The following GAP43 variants were observed in gnomAD, a reference collection of about 807,000 sequenced individuals.
GAP43 encodes the protein neuromodulin.
Under a neutral mutation model 18.6 loss-of-function variants are expected in GAP43, and 6 were observed. That is an observed-to-expected ratio of 0.32 (90% confidence interval 0.18 to 0.64). The LOEUF (loss-of-function observed/expected upper bound fraction) is 0.64. GAP43 is among the 30% of genes least tolerant of loss of function. The probability of loss-of-function intolerance (pLI) is 0.78; values close to 1 mark genes in which losing one functional copy is unlikely to be tolerated. For synonymous variants in GAP43, 115 were observed against 111.4 expected, an observed-to-expected ratio of 1.03 and a Z score of -0.20; for missense variants, 292 against 295.5, an observed-to-expected ratio of 0.99 and a Z score of 0.09.
chr3:115,656,700 A>G (rs1437681777), intron 1 of GAP43, among the ~76,000 whole-genome samples: 1 of 152,222 alleles, frequency 6.6e-6, no homozygotes, highest in Non-Finnish European at 1.5e-5. Flanking sequence ...TTCTTAGAAA[A>G]GCAAGCAATT....
intron 1 of GAP43, among the ~76,000 whole-genome samples, chr3:115,632,672 A>C (rs1708275035): frequency 6.6e-6 from 1 of 152,180 alleles, no homozygotes; most frequent in African/African-American, 2.4e-5. Context: ...TTAGTCTAAG[A>C]AATCCTATTT....
At chr3:115,698,089 T>TAAA (rs1194346399) in intron 2 of GAP43, among the ~76,000 whole-genome samples, 1 of 58,772 alleles carries the variant, frequency 1.7e-5, no homozygotes, top group African/African-American at 7.6e-5. Flanking sequence ...ATAAAATATG[T>TAAA]ATTATATATA....
At chr3:115,672,065 T>G (rs1192345337) in intron 1 of GAP43, among the ~76,000 whole-genome samples, 1 of 152,346 alleles carries the variant, frequency 6.6e-6, no homozygotes, top group East Asian at 1.9e-4. Context: ...AATGCTGATG[T>G]GAAGCCTTAT....
At chr3:115,707,360 G>T (rs1390261640) in intron 2 of GAP43, among the ~76,000 whole-genome samples, 3 of 152,128 alleles carry the variant, frequency 2.0e-5, no homozygotes, top group Non-Finnish European at 2.9e-5. Context: ...GAGTGCAGTG[G>T]CTCACTGCAG....
Position 115,650,153 on chromosome 3 carries a change from C to T in GAP43, c.31-25860C>T, listed in dbSNP as rs940083018. On this transcript the variant is annotated intron_variant, in intron 1 of 2. Transcript: ENST00000305124. Reference sequence around the variant, plus strand: ...TGGAGGTGGATCCATCTTGAAAACACTGACTAATTTAGGAACCTAGCAGGA... The same window carrying T: ...TGGAGGTGGATCCATCTTGAAAACATTGACTAATTTAGGAACCTAGCAGGA... Among the ~76,000 whole-genome samples the T allele has an allele frequency of 5.3e-5, 8 of 152,264 alleles. No individual in the cohort carries two copies. The South Asian group carries it at 8.3e-4, about 16-fold the overall frequency.
intron 1 of GAP43, among the ~76,000 whole-genome samples, chr3:115,640,437 C>T (rs975011734): frequency 3.3e-4 from 50 of 152,076 alleles, no homozygotes; most frequent in African/African-American, 1.2e-3. Flanking sequence ...GAAGATAATT[C>T]ATTTGCTATT....
In GAP43 at chr3:115,676,233, G is replaced by A. The variant is rs1183166271; in HGVS notation, c.251G>A (p.Gly84Asp). 8 of 1,614,032 alleles carry A rather than the reference G, an allele frequency of 5.0e-6. No individual in the cohort carries two copies. In the African/African-American group the frequency reaches 5.3e-5, roughly 11 times the overall value. ...GATGGGGTGGAGAAGAAGGGAGAAG[G>A]CACCACTACTGCCGAAGCAGCCCCA... The part of the protein sequence containing the change: ...VADGVEKKGE[G>D]TTTAEAAPAT... The change falls in exon 2 of 3, where the codon GGC becomes GAC. Residue 84 changes from glycine to aspartate, a missense_variant. Transcript: ENST00000305124.
intron 2 of GAP43, among the ~76,000 whole-genome samples, chr3:115,719,407 T>C (rs1709550259): frequency 6.6e-6 from 1 of 152,220 alleles, no homozygotes. Flanking sequence ...TAAGAGTGGT[T>C]CCAGGTGCCT....
rs3086974 is a variant in GAP43, at chr3:115,708,940, G to GTT, written c.629-11831_629-11830dup. 5.1e-3 allele frequency among the ~76,000 whole-genome samples: 510 copies of GTT among 99,744 alleles called. 8 individuals are homozygous for GTT. Among genetic ancestry groups the GTT allele is most frequent in the African/African-American group, 0.014 (340 of 24,138 alleles). The allele number at this position is 99,744 out of a possible 152,430, so 65.4% of individuals were successfully genotyped here. A position where few individuals can be genotyped will look rare whatever the true frequency, so the allele number is the denominator to read the frequency against. On this transcript the variant is annotated intron_variant, in intron 2 of 2. Transcript: ENST00000305124. The stretch of plus-strand genomic sequence containing the variant: ...ACAGATGATATTGACAACTGGCTGG[G>GTT]TTTTTTTTTTTTTTTTTTTTTTTTG...
chr3:115,674,695 A>T (rs1687618282), intron 1 of GAP43, among the ~76,000 whole-genome samples: 1 of 152,130 alleles, frequency 6.6e-6, no homozygotes, highest in Non-Finnish European at 1.5e-5. Context: ...GTCTTTTTTA[A>T]TTCAGATTTT....
intron 2 of GAP43, among the ~76,000 whole-genome samples, chr3:115,690,718 G>T (rs1470780274): frequency 1.3e-5 from 2 of 148,338 alleles, no homozygotes; most frequent in East Asian, 4.0e-4. Flanking sequence ...CCCATATGAA[G>T]ATCCTCTGGG....
intron 2 of GAP43, among the ~76,000 whole-genome samples, chr3:115,697,932 G>A (rs991731602): frequency 7.6e-5 from 11 of 144,644 alleles, no homozygotes; most frequent in Non-Finnish European, 1.2e-4. Context: ...TTTCCCATGC[G>A]GGAGCATTTC....
At chr3:115,720,203 T>C (rs1370221886) in intron 2 of GAP43, among the ~76,000 whole-genome samples, 2 of 152,192 alleles carry the variant, frequency 1.3e-5, no homozygotes, top group Non-Finnish European at 2.9e-5. Context: ...AGGCAGCTGC[T>C]ACAGTGCCAT....
chr3:115,679,663 C>G (rs998098486), intron 2 of GAP43, among the ~76,000 whole-genome samples: 3 of 152,144 alleles, frequency 2.0e-5, no homozygotes, highest in African/African-American at 7.2e-5. Context: ...CTCATTGGCT[C>G]TCAATGAAGG....
At chr3:115,700,123 C>A (rs944401796) in intron 2 of GAP43, among the ~76,000 whole-genome samples, 3 of 152,164 alleles carry the variant, frequency 2.0e-5, no homozygotes, top group Non-Finnish European at 2.9e-5. Context: ...CACAAGTTAG[C>A]CTTAGTGTTC....
intron 1 of GAP43, chr3:115,661,131 A>G (rs1708652556): frequency 6.6e-6 from 1 of 151,562 alleles, no homozygotes; most frequent in African/African-American, 2.4e-5. Flanking sequence ...TGTTAAAAAA[A>G]AAACTGTTTT....
At chr3:115,652,690 A>G (rs1179321488) in intron 1 of GAP43, among the ~76,000 whole-genome samples, 3 of 152,140 alleles carry the variant, frequency 2.0e-5, no homozygotes, top group Admixed American at 6.5e-5. Context: ...CCAGCCGCCT[A>G]TGCAGTGTTC....
At chr3:115,659,889 A>C (rs771803263) in intron 1 of GAP43, among the ~76,000 whole-genome samples, 4 of 152,026 alleles carry the variant, frequency 2.6e-5, no homozygotes, top group African/African-American at 4.8e-5. Flanking sequence ...TTATTTATTT[A>C]TTTTTAGCAG....
At chr3:115,707,566 C>T (rs1222348516) in intron 2 of GAP43, among the ~76,000 whole-genome samples, 3 of 152,196 alleles carry the variant, frequency 2.0e-5, no homozygotes, top group African/African-American at 7.2e-5. Context: ...GCTGAGATTA[C>T]AGGCATCAGC....
Sources: gnomAD v4.1 joint callset for allele counts (sites outside exome capture counted in the v4.1 genomes callset) on GRCh38, gnomAD v4.1.1 for gene constraint, MANE v1.5 for transcripts, NCBI Gene and HGNC (gene_info 2026-07-23, HGNC 2026-07-21) for gene names.